Variants in AHNAK observed in about 807,000 individuals in gnomAD.
AHNAK encodes AHNAK nucleoprotein.
In AHNAK, 23 loss-of-function variants were observed where a neutral mutation model predicts 37.8. That is an observed-to-expected ratio of 0.61 (90% confidence interval 0.44 to 0.86). The LOEUF (loss-of-function observed/expected upper bound fraction) is 0.86. Among genes scored for constraint, AHNAK ranks in the 40% least tolerant of loss-of-function variants. The probability of loss-of-function intolerance (pLI) is 0.00; values close to 1 mark genes in which losing one functional copy is unlikely to be tolerated. For missense variants in AHNAK, 7,411 were observed against 7,319.4 expected, an observed-to-expected ratio of 1.01 and a Z score of -0.46; for synonymous variants, 2,481 against 2,636.3, an observed-to-expected ratio of 0.94 and a Z score of 1.80.
Position 62,529,665 on chromosome 11 carries a change from A to C in AHNAK, c.4752T>G (p.Val1584=). Residue 1584 remains valine (V), a synonymous_variant, in exon 5 of 5, where the codon GTT becomes GTG. Transcript: ENST00000378024. ...GTTTAGGGGCTTTCAAATTAAGTCCAACATCAGGCATAGAGATTTTGTGCG... is the reference window on the plus strand; with the variant it reads ...GTTTAGGGGCTTTCAAATTAAGTCCCACATCAGGCATAGAGATTTTGTGCG... ...IQTHKISMPD[V]GLNLKAPKLK... 1 of 1,614,178 alleles carries C rather than the reference A, an allele frequency of 6.2e-7. No homozygotes were observed. The highest frequency in any genetic ancestry group is 8.5e-7 in the Non-Finnish European group (1 of 1,180,046).
Position 62,517,560 on chromosome 11 carries a change from G to A in AHNAK, c.16857C>T (p.Phe5619=). ...CACCTCCTTCCACCTTTGGTCCTGA[G>A]AAATGAAGGCCCCCAGCAAACTTAG... ...DTSKFAGGLH[F]SGPKVEGGVK... Residue 5619 remains phenylalanine, a synonymous_variant, in exon 5 of 5, where the codon TTC becomes TTT. Transcript: ENST00000378024. 2 of 1,614,164 alleles carry A rather than the reference G, an allele frequency of 1.2e-6. No individual in the cohort carries two copies. The highest frequency in any genetic ancestry group is 1.1e-5 in the South Asian group (1 of 91,074).
rs765263968 is a variant in AHNAK, at chr11:62,449,509, G to A, written c.443-15618C>T. 4.9e-4 allele frequency among the ~76,000 whole-genome samples: 74 copies of A among 152,266 alleles called. 1 individual carries two copies. The highest frequency in any genetic ancestry group is 3.9e-3 in the Admixed American group (60 of 15,294). ...GGGGCCAGCGACCAAGAGAGAACCA[G>A]GTGCCCAGCTTATAACCACAGCAAC... On this transcript the variant is annotated intron_variant, in intron 5 of 5. Coordinates refer to the AHNAK transcript ENST00000257247.
intron 4 of AHNAK, 113 bp downstream of exon 4, chr11:62,534,887 GAGA>G (rs1940891130): frequency 2.7e-6 from 3 of 1,098,306 alleles, no homozygotes; most frequent in East Asian, 2.4e-5. Context: ...CAGGTGAGAG[GAGA>G]AGAAGGAGCA....
In AHNAK at chr11:62,516,261, G is replaced by A. The variant is rs1270038723; in HGVS notation, c.*483C>T. 1 of 1,289,050 alleles carries A rather than the reference G, an allele frequency of 7.8e-7. No homozygotes were observed. The highest frequency in any genetic ancestry group is 1.0e-6 in the Non-Finnish European group (1 of 988,726). 79.9% of individuals were successfully genotyped at this position (1,289,050 alleles called of 1,614,324 possible). A position where few individuals can be genotyped will look rare whatever the true frequency, so the allele number is the denominator to read the frequency against. On this transcript the variant is annotated 3_prime_UTR_variant, in exon 5 of 5. Transcript: ENST00000378024. ...ACCACCACCTCTGGGCCATCTGTGG[G>A]CGTTTGCTGTTTGAACAGATCCAGT... is the stretch of plus-strand genomic sequence containing the variant.
At position 62,533,433 on chromosome 11, in the gene AHNAK, C is replaced by A; in HGVS notation, c.984G>T (p.Gly328=). ...TGREGQTPKA[G]LRVSAPEVSV... ...AGACTTCAGGTGCAGAAACCCTCAGCCCTGCCTTTGGTGTCTGGCCCTCAC... is the reference window on the plus strand; with the variant it reads ...AGACTTCAGGTGCAGAAACCCTCAGACCTGCCTTTGGTGTCTGGCCCTCAC... Residue 328 remains glycine (G), a synonymous_variant, in exon 5 of 5, where the codon GGG becomes GGT. Transcript: ENST00000378024. The A allele has an allele frequency of 6.2e-7, 1 of 1,612,734 alleles. No homozygotes were observed. Among genetic ancestry groups the A allele is most frequent in the South Asian group, 1.1e-5 (1 of 90,824 alleles).
At chr11:62,470,910 G>A (rs902834594) in intron 5 of AHNAK, among the ~76,000 whole-genome samples, 5 of 152,050 alleles carry the variant, frequency 3.3e-5, no homozygotes, top group Non-Finnish European at 7.4e-5. Flanking sequence ...AATACAAGAT[G>A]CTGGGCCTGT....
At position 62,522,291 on chromosome 11, in the gene AHNAK, C is replaced by A. The variant is rs1167602937; in HGVS notation, c.12126G>T (p.Val4042=). ...CATCCACATCTGGGGCATCAATGTC[C>A]ACTTTGGGGCCCTTGATGTCAACTT... is the stretch of plus-strand genomic sequence containing the variant. ...APEVDIKGPK[V]DIDAPDVDVH... is the part of the protein sequence containing the mutation. Residue 4042 remains valine, a synonymous_variant, in exon 5 of 5, where the codon GTG becomes GTT. Transcript: ENST00000378024. 1 of 1,613,228 alleles carries A rather than the reference C, an allele frequency of 6.2e-7. No individual in the cohort carries two copies. Among genetic ancestry groups the A allele is most frequent in the Non-Finnish European group, 8.5e-7 (1 of 1,179,840 alleles).
intron 4 of AHNAK, among the ~76,000 whole-genome samples, chr11:62,500,507 C>T (rs1167198591): frequency 6.6e-6 from 1 of 152,146 alleles, no homozygotes; most frequent in Non-Finnish European, 1.5e-5. Context: ...GAACCTGTTC[C>T]TCCCAAACCT....
Position 62,528,820 on chromosome 11 carries a change from C to T in AHNAK, c.5597G>A (p.Gly1866Asp), listed in dbSNP as rs948165904. Reference sequence around the variant, plus strand: ...ATCCGCATCCCCTTTGACTTTGGGGCCTTTCAGGTGTAAGTCCACATCAGG... The same window carrying T: ...ATCCGCATCCCCTTTGACTTTGGGGTCTTTCAGGTGTAAGTCCACATCAGG... ...SMPDVDLHLK[G>D]PKVKGDADVS... Residue 1866 changes from glycine (G) to aspartate (D), a missense_variant, in exon 5 of 5, where the codon GGC becomes GAC. Physicochemically the swap from Gly to Asp is moderately conservative, Grantham distance 94. Transcript: ENST00000378024. 2.5e-6 allele frequency: 4 copies of T among 1,612,854 alleles called. No homozygotes were observed. The highest frequency in any genetic ancestry group is 2.2e-5 in the East Asian group (1 of 44,816).
Position 62,521,494 on chromosome 11 carries a change from T to C in AHNAK, c.12923A>G (p.His4308Arg), listed in dbSNP as rs373210455. The C allele has an allele frequency of 3.0e-5, 48 of 1,612,744 alleles. No individual in the cohort carries two copies. Among genetic ancestry groups the C allele is most frequent in the Non-Finnish European group, 3.9e-5 (46 of 1,179,774 alleles). Reference sequence around the variant, plus strand: ...CATCTTCAGGTGCCAGTCTGGGCCATGAACATCTACATCAGGGGCATCGAT... The same window carrying C: ...CATCTTCAGGTGCCAGTCTGGGCCACGAACATCTACATCAGGGGCATCGAT... ...VDIDAPDVDVHGPDWHLKMPK... is the reference protein window; with the variant it reads ...VDIDAPDVDVRGPDWHLKMPK... Residue 4308 changes from histidine to arginine, a missense_variant, in exon 5 of 5, where the codon CAT becomes CGT. By Grantham distance (29) the His-to-Arg change is conservative (BLOSUM62 0). Coordinates refer to ENST00000378024, the MANE Select transcript of AHNAK (RefSeq NM_001620.3).
In AHNAK at chr11:62,520,988, C is replaced by A; in HGVS notation, c.13429G>T (p.Val4477Leu). Residue 4477 changes from valine (V) to leucine (L), a missense_variant, in exon 5 of 5, where the codon GTG becomes TTG. Transcript: ENST00000378024. ...TCCACCTTAGGTAGTGAAACATCCA[C>A]ATCACCCTTCACCTTGGGACCTTTC... ...HLKGPKVKGD[V>L]DVSLPKVESD... The A allele has an allele frequency of 6.2e-7, 1 of 1,614,092 alleles. No homozygotes were observed. The highest frequency in any genetic ancestry group is 1.1e-5 in the South Asian group (1 of 91,078).
intron 4 of AHNAK, among the ~76,000 whole-genome samples, chr11:62,510,145 C>T (rs532161406): frequency 6.6e-6 from 1 of 151,916 alleles, no homozygotes; most frequent in East Asian, 2.0e-4. Flanking sequence ...GCAACCTCCA[C>T]CTCCCCCGGG....
Position 62,522,295 on chromosome 11 carries a change from T to G in AHNAK, c.12122A>C (p.Lys4041Thr), listed in dbSNP as rs148327896. ...KAPEVDIKGP[K>T]VDIDAPDVDV... ...CACATCTGGGGCATCAATGTCCACTTTGGGGCCCTTGATGTCAACTTCAGG... is the reference window on the plus strand; with the variant it reads ...CACATCTGGGGCATCAATGTCCACTGTGGGGCCCTTGATGTCAACTTCAGG... The change falls in exon 5 of 5, where the codon AAA (lysine) becomes ACA (threonine). Residue 4041 changes from lysine (K) to threonine (T), a missense_variant. Lys to Thr is a moderately conservative substitution (Grantham distance 78, BLOSUM62 -1). Coordinates refer to ENST00000378024, the MANE Select transcript of AHNAK (RefSeq NM_001620.3). 6.2e-7 allele frequency: 1 copy of G among 1,613,424 alleles called. No homozygotes were observed. The highest frequency in any genetic ancestry group is 1.7e-5 in the Admixed American group (1 of 59,944).
chr11:62,527,974 C>T lies in AHNAK; in HGVS notation c.6443G>A (p.Gly2148Asp). The T allele has an allele frequency of 2.5e-6, 4 of 1,612,692 alleles. No homozygotes were observed. Among genetic ancestry groups the T allele is most frequent in the Middle Eastern group, 3.3e-4 (2 of 6,062 alleles). The change falls in exon 5 of 5, where the codon GGC becomes GAC. Residue 2148 changes from glycine (G) to aspartate (D), a missense_variant. Coordinates refer to ENST00000378024, the MANE Select transcript of AHNAK (RefSeq NM_001620.3). ...AGGCACCTCCACATCCACACTGGGGCCTGTTAAATCTCCCTCCAATTTTGG... is the reference window on the plus strand; with the variant it reads ...AGGCACCTCCACATCCACACTGGGGTCTGTTAAATCTCCCTCCAATTTTGG... ...SLPKLEGDLT[G>D]PSVDVEVPDV...
At chr11:62,451,736 CA>C (rs572246314) in intron 5 of AHNAK, among the ~76,000 whole-genome samples, 12,738 of 113,206 alleles carry the variant, frequency 0.11, 562 homozygotes, top group Middle Eastern at 0.21. Flanking sequence ...GACTCCGTCT[CA>C]AAAAAAAAAA....
At chr11:62,540,911 T>C (rs1941102436) in intron 1 of AHNAK, among the ~76,000 whole-genome samples, 1 of 152,186 alleles carries the variant, frequency 6.6e-6, no homozygotes, top group South Asian at 2.1e-4. Context: ...ACCCTGCAAC[T>C]GGGGACAACG....
At chr11:62,491,048 A>G (rs111513678) in intron 5 of AHNAK, among the ~76,000 whole-genome samples, 6 of 152,276 alleles carry the variant, frequency 3.9e-5, no homozygotes, top group African/African-American at 7.2e-5. Flanking sequence ...TCGGCCTCCC[A>G]AAGTGTTGGA....
rs201848269 is a variant in AHNAK at position 62,525,923 on chromosome 11, T to C, written c.8494A>G (p.Thr2832Ala). The change falls in exon 5 of 5, where the codon ACT becomes GCT. Residue 2832 changes from threonine (T) to alanine (A), a missense_variant. By Grantham distance (58) the Thr-to-Ala change is moderately conservative (BLOSUM62 0). Coordinates refer to ENST00000378024, the MANE Select transcript of AHNAK (RefSeq NM_001620.3). The stretch of plus-strand genomic sequence containing the variant: ...ATATCTGGCATGGATATCTTTGGAG[T>C]CTTAAAATGCATCTCTGGCATCTTA... ...KFKMPEMHFK[T>A]PKISMPDIDL... 8.1e-6 allele frequency: 13 copies of C among 1,613,996 alleles called. No individual in the cohort carries two copies. In the East Asian group the frequency reaches 2.9e-4, roughly 36 times the overall value.
chr11:62,523,994 G>T lies in AHNAK; in HGVS notation c.10423C>A (p.Pro3475Thr). ...VHGPDWNLKM[P>T]KMKMPKFSVS... ...CTGAATTTGGGCATTTTCATCTTGG[G>T]CATTTTCAGATTCCAGTCTGGACCA... is the stretch of plus-strand genomic sequence containing the variant. The change falls in exon 5 of 5, where the codon CCC (proline) becomes ACC (threonine). Residue 3475 changes from proline (P) to threonine (T), a missense_variant. By Grantham distance (38) the Pro-to-Thr change is conservative. Transcript: ENST00000378024. 6.2e-7 allele frequency: 1 copy of T among 1,613,972 alleles called. No homozygotes were observed. The highest frequency in any genetic ancestry group is 8.5e-7 in the Non-Finnish European group (1 of 1,179,984).
Sources: gnomAD v4.1 joint callset for allele counts (sites outside exome capture counted in the v4.1 genomes callset) on GRCh38, gnomAD v4.1.1 for gene constraint, MANE v1.5 for transcripts, NCBI Gene and HGNC (gene_info 2026-07-23, HGNC 2026-07-21) for gene names.